The following C1D variants were observed in gnomAD, a reference collection of about 807,000 sequenced individuals.
C1D encodes nuclear nucleic acid-binding protein C1D.
In C1D, 10 loss-of-function variants were observed where a neutral mutation model predicts 17.5. The ratio of observed to expected loss-of-function variants is 0.57; its 90% CI spans 0.35 to 0.97. The LOEUF (loss-of-function observed/expected upper bound fraction) is 0.97. C1D is among the 50% of genes least tolerant of loss of function. The probability of loss-of-function intolerance (pLI) is 0.01; values close to 1 mark genes in which losing one functional copy is unlikely to be tolerated. For missense variants in C1D, 136 were observed against 160.1 expected, an observed-to-expected ratio of 0.85 and a Z score of 0.81; for synonymous variants, 49 against 54.0, an observed-to-expected ratio of 0.91 and a Z score of 0.40.
At chr2:68,043,640 A>G (rs1671034085) in intron 4 of C1D, among the ~76,000 whole-genome samples, 1 of 152,228 alleles carries the variant, frequency 6.6e-6, no homozygotes, top group South Asian at 2.1e-4. Flanking sequence ...TTACAGGGTG[A>G]GAAACATAAT....
In C1D at chr2:68,047,070, A is replaced by G. The variant is rs550976653; in HGVS notation, c.138+103T>C. ...CACTAATAAAATTGAAATAAAGGGG[A>G]AAAGGGGCATAGGTCATTAATCTGT... On this transcript the variant is annotated intron_variant, in intron 2 of 4. Coordinates refer to ENST00000410067, the MANE Select transcript of C1D (RefSeq NM_173177.3). 8.0e-6 allele frequency: 8 copies of G among 1,000,848 alleles called. No individual in the cohort carries two copies. The African/African-American group carries it at 8.4e-5, about 11-fold the overall frequency. 62.0% of individuals were successfully genotyped at this position (1,000,848 alleles called of 1,614,324 possible). A position where few individuals can be genotyped will look rare whatever the true frequency, so the allele number is the denominator to read the frequency against.
intron 1 of C1D, among the ~76,000 whole-genome samples, chr2:68,060,517 C>A (rs1039610965): frequency 2.6e-5 from 4 of 152,038 alleles, no homozygotes; most frequent in Non-Finnish European, 4.4e-5. Flanking sequence ...GCGACGGGTG[C>A]CTGTAATCCC....
chr2:68,048,242 C>A (rs1298762714), intron 1 of C1D, among the ~76,000 whole-genome samples: 1 of 152,104 alleles, frequency 6.6e-6, no homozygotes, highest in Non-Finnish European at 1.5e-5. Context: ...ATTTTAGAAG[C>A]AATTCCAAGC....
intron 1 of C1D, among the ~76,000 whole-genome samples, chr2:68,051,216 A>G (rs1395711906): frequency 1.3e-5 from 2 of 152,182 alleles, no homozygotes; most frequent in Non-Finnish European, 2.9e-5. Flanking sequence ...CATTCGACAT[A>G]AGACAAAAAT....
Position 68,046,000 on chromosome 2 carries a change from T to C in C1D, c.249A>G (p.Val83=). ...TQGVNPKEHP[V]KQELERIRVY... is the part of the protein sequence containing the mutation. ...ATTAAAATCTTACCAATTCCTGTTTTACTGGATGTTCCTTAGGATTAACTC... is the reference window on the plus strand; with the variant it reads ...ATTAAAATCTTACCAATTCCTGTTTCACTGGATGTTCCTTAGGATTAACTC... The change falls in exon 4 of 5, where the codon GTA becomes GTG. Residue 83 remains valine (V), a synonymous_variant. Transcript: ENST00000410067. 6.3e-7 allele frequency: 1 copy of C among 1,589,368 alleles called. No individual in the cohort carries two copies. Among genetic ancestry groups the C allele is most frequent in the South Asian group, 1.2e-5 (1 of 86,842 alleles).
rs904625783 is a variant in C1D, at chr2:68,045,897, T to C, written c.261+91A>G. 4.6e-6 allele frequency: 4 copies of C among 863,232 alleles called. No individual in the cohort carries two copies. The Admixed American group carries it at 9.4e-5, about 20-fold the overall frequency. The allele number at this position is 863,232 out of a possible 1,614,324, so 53.5% of individuals were successfully genotyped here. On this transcript the variant is annotated intron_variant, in intron 4 of 4. Transcript: ENST00000410067. ...ACTTTCATAATTTCAACTCGAATTC[T>C]GTTCTCCCTAATTTGTGTGACAAAG... is the stretch of plus-strand genomic sequence containing the variant.
chr2:68,054,791 T>G (rs1275690070), intron 1 of C1D, among the ~76,000 whole-genome samples: 1 of 147,696 alleles, frequency 6.8e-6, no homozygotes, highest in Non-Finnish European at 1.5e-5. Flanking sequence ...CAGACCCATC[T>G]CTAAAAAAAA....
At chr2:68,056,398 A>G (rs915495443) in intron 1 of C1D, among the ~76,000 whole-genome samples, 1 of 151,954 alleles carries the variant, frequency 6.6e-6, no homozygotes, top group Non-Finnish European at 1.5e-5. Flanking sequence ...CATCGAGCCC[A>G]GCAAATTCCC....
intron 1 of C1D, among the ~76,000 whole-genome samples, chr2:68,055,765 A>C (rs1206732966): frequency 6.6e-6 from 1 of 152,190 alleles, no homozygotes; most frequent in Non-Finnish European, 1.5e-5. Context: ...TAACATTTTG[A>C]ATTTGCTTAA....
In C1D at chr2:68,042,991, C is replaced by T. The variant is rs1671013345; in HGVS notation, c.324G>A (p.Lys108=). The change falls in exon 5 of 5, where the codon AAG becomes AAA. Residue 108 remains lysine (K), a synonymous_variant. Coordinates refer to ENST00000410067, the MANE Select transcript of C1D (RefSeq NM_173177.3). ...KEITDKKKAG[K]LDRGAASRFV... ...ATCTTGAAGCTGCACCTCTGTCCAG[C>T]TTGCCAGCCTTTTTCTTGTCTGTTA... 1 of 1,611,324 alleles carries T rather than the reference C, an allele frequency of 6.2e-7. No individual in the cohort carries two copies. Among genetic ancestry groups the T allele is most frequent in the East Asian group, 2.2e-5 (1 of 44,846 alleles).
At chr2:68,046,076 T>G (rs775549916) in intron 3 of C1D, 33 bp from the exon 4 acceptor site, 1 of 1,414,410 alleles carries the variant, frequency 7.1e-7, no homozygotes, top group Non-Finnish European at 9.8e-7. Flanking sequence ...AATAAAATGG[T>G]GAATGTATTA....
At chr2:68,052,797 G>A (rs1368209734) in intron 1 of C1D, among the ~76,000 whole-genome samples, 1 of 152,158 alleles carries the variant, frequency 6.6e-6, no homozygotes, top group Admixed American at 6.5e-5. Flanking sequence ...ATAGGCAGCT[G>A]CTGAGTATTT....
chr2:68,053,241 C>A, intron 1 of C1D: 1 of 1,533,494 alleles, frequency 6.5e-7, no homozygotes, highest in Non-Finnish European at 8.8e-7. Flanking sequence ...GGGGATGCTG[C>A]CCAGTAACCC....
chr2:68,052,955 C>G (rs1671331739), intron 1 of C1D: 4 of 1,416,822 alleles, frequency 2.8e-6, no homozygotes, highest in Non-Finnish European at 3.8e-6. Context: ...ATTCCACATG[C>G]ACTTGTTCAT....
intron 1 of C1D, chr2:68,053,277 C>T (rs1671340873): frequency 7.0e-7 from 1 of 1,433,544 alleles, no homozygotes. Context: ...CCACTCAGTC[C>T]TTCCTCTCAC....
chr2:68,056,536 A>G (rs916418673), intron 1 of C1D, among the ~76,000 whole-genome samples: 1 of 150,974 alleles, frequency 6.6e-6, no homozygotes, highest in African/African-American at 2.5e-5. Context: ...CATATGCAAC[A>G]CAAAGATTTT....
chr2:68,048,276 A>G (rs1671189677), intron 1 of C1D, among the ~76,000 whole-genome samples: 1 of 152,224 alleles, frequency 6.6e-6, no homozygotes. Flanking sequence ...TCTAGAATAA[A>G]AAAAATTTTT....
intron 1 of C1D, among the ~76,000 whole-genome samples, chr2:68,059,951 C>A (rs1479593665): frequency 6.6e-6 from 1 of 152,164 alleles, no homozygotes; most frequent in Admixed American, 6.5e-5. Context: ...TGAACATATT[C>A]AACTGCCTAC....
intron 1 of C1D, among the ~76,000 whole-genome samples, chr2:68,058,582 C>T (rs776634468): frequency 3.3e-5 from 5 of 152,144 alleles, no homozygotes; most frequent in Non-Finnish European, 7.4e-5. Flanking sequence ...TGGTAAAGTT[C>T]GGCAGAATGG....
Sources: gnomAD v4.1 joint callset for allele counts (sites outside exome capture counted in the v4.1 genomes callset) on GRCh38, gnomAD v4.1.1 for gene constraint, MANE v1.5 for transcripts, NCBI Gene and HGNC (gene_info 2026-07-23, HGNC 2026-07-21) for gene names.